The following KCNIP4 variants were observed in gnomAD, a reference collection of about 807,000 sequenced individuals.
KCNIP4 encodes potassium voltage-gated channel interacting protein 4.
Under a neutral mutation model 34.0 loss-of-function variants are expected in KCNIP4, and 12 were observed. The ratio of observed to expected loss-of-function variants is 0.35; its 90% CI spans 0.23 to 0.57. The LOEUF (loss-of-function observed/expected upper bound fraction) is 0.57. Among genes scored for constraint, KCNIP4 ranks in the 20% least tolerant of loss-of-function variants. The probability of loss-of-function intolerance (pLI) is 0.83; values close to 1 mark genes in which losing one functional copy is unlikely to be tolerated. For missense variants in KCNIP4, 238 were observed against 311.7 expected (o/e 0.76, Z 1.78); for synonymous variants, 124 against 102.2 (o/e 1.21, Z -1.29).
chr4:21,076,715 G>A (rs1018057880), intron 1 of KCNIP4, among the ~76,000 whole-genome samples: 16 of 152,110 alleles, frequency 1.1e-4, no homozygotes, highest in East Asian at 1.9e-4. Flanking sequence ...GAGAAATGTC[G>A]TTGATGGTGT....
At chr4:21,874,849 T>A (rs1202077994) in intron 1 of KCNIP4, among the ~76,000 whole-genome samples, 2 of 152,208 alleles carry the variant, frequency 1.3e-5, no homozygotes, top group African/African-American at 2.4e-5. Flanking sequence ...AATTTCTAAT[T>A]TCTAACTTGA....
chr4:21,921,285 T>TC (rs1198323680), intron 1 of KCNIP4, among the ~76,000 whole-genome samples: 19 of 152,256 alleles, frequency 1.2e-4, no homozygotes, highest in African/African-American at 4.3e-4. Context: ...GCTGTGTCCT[T>TC]CCTTGCTCTA....
At chr4:21,014,846 C>G (rs181500721) in intron 1 of KCNIP4, among the ~76,000 whole-genome samples, 2 of 152,144 alleles carry the variant, frequency 1.3e-5, no homozygotes, top group Admixed American at 1.3e-4. Flanking sequence ...ATAGCCCAAA[C>G]GTGGAAACAA....
chr4:21,148,409 G>A (rs1164288040), intron 1 of KCNIP4, among the ~76,000 whole-genome samples: 3 of 151,992 alleles, frequency 2.0e-5, no homozygotes, highest in Non-Finnish European at 2.9e-5. Flanking sequence ...ACCATATTTG[G>A]GTGACTAAAT....
intron 1 of KCNIP4, among the ~76,000 whole-genome samples, chr4:21,009,018 A>T (rs1738828324): frequency 6.6e-6 from 1 of 152,090 alleles, no homozygotes; most frequent in African/African-American, 2.4e-5. Context: ...CACTAGAAAA[A>T]AAATATCTTT....
At chr4:20,994,520 G>A (rs1281268306) in intron 1 of KCNIP4, among the ~76,000 whole-genome samples, 1 of 152,276 alleles carries the variant, frequency 6.6e-6, no homozygotes, top group Admixed American at 6.5e-5. Context: ...TATTAAAAAG[G>A]GAACACTAAA....
At chr4:21,526,719 C>T (rs1736002421) in intron 1 of KCNIP4, among the ~76,000 whole-genome samples, 1 of 151,952 alleles carries the variant, frequency 6.6e-6, no homozygotes, top group South Asian at 2.1e-4. Flanking sequence ...CAATGGAGGC[C>T]ATATTTACAG....
chr4:21,547,063 T>A (rs1299908001), intron 1 of KCNIP4, among the ~76,000 whole-genome samples: 1 of 152,154 alleles, frequency 6.6e-6, no homozygotes, highest in Non-Finnish European at 1.5e-5. Flanking sequence ...TCTTGTGCTG[T>A]GGTGATCCAC....
intron 1 of KCNIP4, among the ~76,000 whole-genome samples, chr4:21,935,516 C>G (rs1729809981): frequency 6.6e-6 from 1 of 152,030 alleles, no homozygotes; most frequent in African/African-American, 2.4e-5. Flanking sequence ...TTCTCAATCC[C>G]TCTGAACTCC....
chr4:21,568,825 C>T (rs1392900533), intron 1 of KCNIP4, among the ~76,000 whole-genome samples: 1 of 152,102 alleles, frequency 6.6e-6, no homozygotes, highest in Non-Finnish European at 1.5e-5. Context: ...CACCTTGTGA[C>T]TGTGTGAGTC....
intron 1 of KCNIP4, among the ~76,000 whole-genome samples, chr4:21,280,321 G>A (rs1762700284): frequency 6.6e-6 from 1 of 152,152 alleles, no homozygotes; most frequent in Non-Finnish European, 1.5e-5. Context: ...AAGGTCAAAA[G>A]TTTGGGAGGT....
intron 3 of KCNIP4, among the ~76,000 whole-genome samples, chr4:20,819,230 GGATGA>G (rs145721931): frequency 0.032 from 4,796 of 152,020 alleles, 104 homozygotes; most frequent in Admixed American, 0.08. Flanking sequence ...CTCGTTTTAC[GGATGA>G]GATAACAAAG....
chr4:21,735,394 T>C (rs1577919137), intron 1 of KCNIP4, among the ~76,000 whole-genome samples: 2 of 152,284 alleles, frequency 1.3e-5, no homozygotes, highest in African/African-American at 2.4e-5. Flanking sequence ...TAAAACTTCA[T>C]TGCATCCTAA....
chr4:21,664,700 C>T (rs140436958), intron 1 of KCNIP4, among the ~76,000 whole-genome samples: 1 of 152,002 alleles, frequency 6.6e-6, no homozygotes, highest in Non-Finnish European at 1.5e-5. Context: ...GATATACACT[C>T]GAGAGTTGAA....
chr4:21,728,448 G>T (rs960328167), intron 1 of KCNIP4, among the ~76,000 whole-genome samples: 1 of 152,070 alleles, frequency 6.6e-6, no homozygotes, highest in African/African-American at 2.4e-5. Flanking sequence ...GTGATTTATG[G>T]CCTATTTATT....
At chr4:20,939,442 C>T (rs1248306244) in intron 1 of KCNIP4, among the ~76,000 whole-genome samples, 1 of 151,934 alleles carries the variant, frequency 6.6e-6, no homozygotes, top group African/African-American at 2.4e-5. Context: ...GGTGCAATCC[C>T]AGCTCACTGC....
chr4:21,119,723 GTT>G (rs77711688), intron 1 of KCNIP4, among the ~76,000 whole-genome samples: 1 of 149,018 alleles, frequency 6.7e-6, no homozygotes, highest in Non-Finnish European at 1.5e-5. Context: ...TAGTAAGACA[GTT>G]TTTTTTTTCT....
intron 1 of KCNIP4, among the ~76,000 whole-genome samples, chr4:21,086,159 C>G (rs754186182): frequency 5.3e-5 from 8 of 152,090 alleles, no homozygotes; most frequent in Non-Finnish European, 1.0e-4. Context: ...TTTCATCCTA[C>G]CACCCCTGGA....
At chr4:20,938,967 A>G (rs1394986888) in intron 1 of KCNIP4, among the ~76,000 whole-genome samples, 1 of 152,178 alleles carries the variant, frequency 6.6e-6, no homozygotes, top group Non-Finnish European at 1.5e-5. Context: ...ACTAAAAATG[A>G]TTTTACCCTT....
Sources: gnomAD v4.1 joint callset for allele counts (sites outside exome capture counted in the v4.1 genomes callset) on GRCh38, gnomAD v4.1.1 for gene constraint, MANE v1.5 for transcripts, NCBI Gene and HGNC (gene_info 2026-07-23, HGNC 2026-07-21) for gene names.